ADARB2: variants seen among roughly 807,000 people sequenced by gnomAD.
ADARB2 encodes the protein adenosine deaminase RNA specific B2 (inactive).
A neutral mutation model predicts 62.2 loss-of-function variants in ADARB2; 25 were observed. The observed-to-expected ratio is 0.40, with a 90% CI of 0.29 to 0.56. The LOEUF (loss-of-function observed/expected upper bound fraction) is 0.56, where lower values mean the gene tolerates loss of function less well. ADARB2 is among the 20% of genes least tolerant of loss of function. ADARB2 has a pLI of 0.43. For missense variants in ADARB2, 1,071 were observed against 1,077.4 expected, an observed-to-expected ratio of 0.99 and a Z score of 0.08; for synonymous variants, 572 against 500.8, an observed-to-expected ratio of 1.14 and a Z score of -1.90.
intron 8 of ADARB2, chr10:1,186,406 C>G: frequency 2.1e-6 from 1 of 487,152 alleles, no homozygotes; most frequent in South Asian, 1.5e-5. Flanking sequence ...CCACTCACAG[C>G]AGTGGTGTTG....
chr10:1,485,375 C>T (rs1831526789), intron 1 of ADARB2, among the ~76,000 whole-genome samples: 2 of 152,058 alleles, frequency 1.3e-5, no homozygotes, highest in Admixed American at 1.3e-4. Flanking sequence ...TGTAAGTGCA[C>T]TAATAGATAG....
At chr10:1,568,359 C>T (rs987318004) in intron 1 of ADARB2, among the ~76,000 whole-genome samples, 1 of 152,202 alleles carries the variant, frequency 6.6e-6, no homozygotes, top group Non-Finnish European at 1.5e-5. Flanking sequence ...ACCGATGGTC[C>T]AGCCGGAGGG....
rs1429012157 is a variant in ADARB2, at chr10:1,232,558, ATG to A, written c.1513+1134_1513+1135del. 2.5e-4 allele frequency among the ~76,000 whole-genome samples: 35 copies of A among 141,536 alleles called. 1 individual carries two copies. The highest frequency in any genetic ancestry group is 2.3e-3 in the Admixed American group (32 of 14,150). The allele number at this position is 141,536 out of a possible 152,430, so 92.9% of individuals were successfully genotyped here. A position where few individuals can be genotyped will look rare whatever the true frequency, so the allele number is the denominator to read the frequency against. Reference sequence around the variant, plus strand: ...TATATGTGGTATGTGTGTGTGGTGTATGTGCTATGTGTGTGGTGTGTGGTATG... The same window carrying A: ...TATATGTGGTATGTGTGTGTGGTGTATGCTATGTGTGTGGTGTGTGGTATG... On this transcript the variant is annotated intron_variant, in intron 6 of 9. Coordinates refer to ENST00000381312, the MANE Select transcript of ADARB2 (RefSeq NM_018702.4).
chr10:1,332,869 T>C (rs1279683462), intron 3 of ADARB2, among the ~76,000 whole-genome samples: 2 of 152,242 alleles, frequency 1.3e-5, no homozygotes, highest in Admixed American at 6.5e-5. Context: ...TCTGATTACA[T>C]TGGAAGCAGA....
intron 5 of ADARB2, among the ~76,000 whole-genome samples, chr10:1,238,580 T>C (rs1472574277): frequency 8.8e-4 from 5 of 5,698 alleles, no homozygotes; most frequent in East Asian, 0.026. Flanking sequence ...CCTCCCGGTG[T>C]TCACTCCCCT....
At chr10:1,620,991 T>A (rs1833697459) in intron 1 of ADARB2, among the ~76,000 whole-genome samples, 1 of 152,244 alleles carries the variant, frequency 6.6e-6, no homozygotes, top group Admixed American at 6.5e-5. Context: ...GAATCACTCA[T>A]GCCCAGCTCC....
chr10:1,302,748 G>T (rs1203566015), intron 3 of ADARB2, among the ~76,000 whole-genome samples: 1 of 152,242 alleles, frequency 6.6e-6, no homozygotes, highest in Non-Finnish European at 1.5e-5. Context: ...TAACTGGGAG[G>T]CACCCTCCAG....
intron 6 of ADARB2, among the ~76,000 whole-genome samples, chr10:1,229,530 C>T (rs1830778118): frequency 6.6e-6 from 1 of 152,174 alleles, no homozygotes; most frequent in East Asian, 1.9e-4. Flanking sequence ...TTTTCTTATG[C>T]CCTACTCTGT....
chr10:1,266,323 C>T (rs1193236197), intron 4 of ADARB2, among the ~76,000 whole-genome samples: 1 of 152,246 alleles, frequency 6.6e-6, no homozygotes, highest in Non-Finnish European at 1.5e-5. Context: ...GCATAGGGCT[C>T]ACTGGATTAT....
chr10:1,326,986 C>CA (rs1831861528), intron 3 of ADARB2, among the ~76,000 whole-genome samples: 1 of 42,426 alleles, frequency 2.4e-5, no homozygotes, highest in African/African-American at 8.4e-5. Context: ...CTCCCCACGG[C>CA]CCAGCGCCTC....
intron 8 of ADARB2, among the ~76,000 whole-genome samples, chr10:1,195,404 T>G (rs1306970593): frequency 2.0e-5 from 3 of 151,306 alleles, no homozygotes; most frequent in Admixed American, 2.0e-4. Flanking sequence ...TTTTTTGTTT[T>G]TTTTTTTTTT....
At chr10:1,658,774 G>A (rs575437371) in intron 1 of ADARB2, among the ~76,000 whole-genome samples, 8 of 152,366 alleles carry the variant, frequency 5.3e-5, no homozygotes, top group Admixed American at 2.0e-4. Context: ...AGCCTCAGAT[G>A]CAATTAGCAG....
intron 1 of ADARB2, among the ~76,000 whole-genome samples, chr10:1,714,194 A>G (rs966279777): frequency 1.3e-5 from 2 of 152,226 alleles, no homozygotes; most frequent in Non-Finnish European, 2.9e-5. Flanking sequence ...AGTGTTCCAC[A>G]TGAATTTTGC....
At chr10:1,300,551 G>A (rs1158803893) in intron 3 of ADARB2, among the ~76,000 whole-genome samples, 1 of 152,138 alleles carries the variant, frequency 6.6e-6, no homozygotes, top group Non-Finnish European at 1.5e-5. Context: ...CTCATGACAC[G>A]GTATAATTTG....
chr10:1,445,214 C>T (rs1405146984), intron 1 of ADARB2, among the ~76,000 whole-genome samples: 7 of 148,218 alleles, frequency 4.7e-5, no homozygotes, highest in Non-Finnish European at 7.5e-5. Flanking sequence ...TCCATCCACA[C>T]ACCCATCCAT....
Position 1,307,180 on chromosome 10 carries a change from G to T in ADARB2, c.1078-36111C>A, listed in dbSNP as rs9794736. ...ATGGGAGAAAATTTTCGCAACCTAC[G>T]CATCTGACAAAGGGCTAATATCCAG... On this transcript the variant is annotated intron_variant, in intron 3 of 9. Transcript: ENST00000381312. Among the ~76,000 whole-genome samples the T allele has an allele frequency of 1.7e-3, 133 of 78,670 alleles. 4 individuals carry two copies. The highest frequency in any genetic ancestry group is 5.2e-3 in the Middle Eastern group (1 of 192). 51.6% of individuals were successfully genotyped at this position (78,670 alleles called of 152,430 possible).
At chr10:1,492,039 A>G (rs1375391660) in intron 1 of ADARB2, among the ~76,000 whole-genome samples, 4 of 152,210 alleles carry the variant, frequency 2.6e-5, no homozygotes, top group Non-Finnish European at 2.9e-5. Context: ...AGCATCACTC[A>G]TTTGTTCTAT....
intron 1 of ADARB2, among the ~76,000 whole-genome samples, chr10:1,569,941 A>G (rs1832912609): frequency 6.6e-6 from 1 of 152,190 alleles, no homozygotes; most frequent in Admixed American, 6.5e-5. Flanking sequence ...ACCAAAAATA[A>G]TTCACATTGT....
chr10:1,669,696 A>C (rs992294825), intron 1 of ADARB2, among the ~76,000 whole-genome samples: 1 of 151,786 alleles, frequency 6.6e-6, no homozygotes, highest in Non-Finnish European at 1.5e-5. Context: ...GCAGACACAC[A>C]CACCCACAGG....
Sources: gnomAD v4.1 joint callset for allele counts (sites outside exome capture counted in the v4.1 genomes callset) on GRCh38, gnomAD v4.1.1 for gene constraint, MANE v1.5 for transcripts, NCBI Gene and HGNC (gene_info 2026-07-23, HGNC 2026-07-21) for gene names.